PAIP2B: variants seen among roughly 807,000 people sequenced by gnomAD.
PAIP2B encodes polyadenylate-binding protein-interacting protein 2B.
Under a neutral mutation model 17.0 loss-of-function variants are expected in PAIP2B, and 13 were observed. The ratio of observed to expected loss-of-function variants is 0.76; its 90% CI spans 0.50 to 1.22. The LOEUF is 1.22. Among genes scored for constraint, PAIP2B ranks in the 50% most tolerant of loss-of-function variants. PAIP2B has a pLI of 0.00. For synonymous variants in PAIP2B, 43 were observed against 48.7 expected (o/e 0.88, Z 0.48); for missense variants, 117 against 144.5 (o/e 0.81, Z 0.98).
In PAIP2B at chr2:71,184,415, TA is replaced by T. The variant is rs1031328851; in HGVS notation, c.*4063del. On this transcript the variant is annotated 3_prime_UTR_variant, in exon 4 of 4. Transcript: ENST00000244221. ...AAACCAGACTGACTGGGAACAGCAG[TA>T]GGGGGTTGGCCAGTGAGGGCAGGTG... is the stretch of plus-strand genomic sequence containing the variant. 39 of 152,194 alleles carry T rather than the reference TA, an allele frequency of 2.6e-4. No individual in the cohort carries two copies. The highest frequency in any genetic ancestry group is 9.2e-4 in the African/African-American group (38 of 41,514). 9.4% of individuals were successfully genotyped at this position (152,194 alleles called of 1,614,324 possible).
chr2:71,189,769 C>G, intron 3 of PAIP2B, 76 bp downstream of exon 3: 1 of 1,380,918 alleles, frequency 7.2e-7, no homozygotes, highest in Non-Finnish European at 9.7e-7. Context: ...GGTTGTAGGG[C>G]TGGAAAGAAA....
chr2:71,192,299 C>A (rs893234892), intron 2 of PAIP2B, among the ~76,000 whole-genome samples: 1 of 148,222 alleles, frequency 6.7e-6, no homozygotes, highest in Non-Finnish European at 1.5e-5. Context: ...AGGTTTGTGG[C>A]AACCTTGCAT....
At chr2:71,209,635 C>A (rs1293928719) in intron 1 of PAIP2B, among the ~76,000 whole-genome samples, 2 of 152,156 alleles carry the variant, frequency 1.3e-5, no homozygotes, top group East Asian at 1.9e-4. Flanking sequence ...TTATACCCCC[C>A]AAGTGTAAGT....
chr2:71,183,473 A>G lies in PAIP2B; in HGVS notation c.*5006T>C, dbSNP rs1327545483. 1 of 127,830 alleles carries G rather than the reference A, an allele frequency of 7.8e-6. No homozygotes were observed. The highest frequency in any genetic ancestry group is 3.1e-5 in the African/African-American group (1 of 32,692). 7.9% of individuals were successfully genotyped at this position (127,830 alleles called of 1,614,324 possible). ...GATTAGTAGTTTTTTTGACATGCAC[A>G]GCAGCTTCCCCTATAAGTCCTACGT... On this transcript the variant is annotated 3_prime_UTR_variant, in exon 4 of 4. Transcript: ENST00000244221.
intron 1 of PAIP2B, among the ~76,000 whole-genome samples, chr2:71,217,758 C>A (rs1366507645): frequency 6.6e-6 from 1 of 152,120 alleles, no homozygotes. Flanking sequence ...ATACCAAGAA[C>A]ACCACTAGCA....
At chr2:71,210,302 C>T (rs558569369) in intron 1 of PAIP2B, among the ~76,000 whole-genome samples, 3 of 152,208 alleles carry the variant, frequency 2.0e-5, no homozygotes, top group South Asian at 4.1e-4. Context: ...GGTGAGGAGA[C>T]GTACGACATG....
At position 71,188,206 on chromosome 2, in the gene PAIP2B, G is replaced by T. The variant is rs966033893; in HGVS notation, c.*273C>A. ...CGCGGAACACTTCTGATGAAGGGGG[G>T]AAAATGCAATTTCCTTAACTCGAAA... On this transcript the variant is annotated 3_prime_UTR_variant, in exon 4 of 4. Transcript: ENST00000244221. 1 of 465,062 alleles carries T rather than the reference G, an allele frequency of 2.2e-6. No homozygotes were observed. The highest frequency in any genetic ancestry group is 3.8e-6 in the Non-Finnish European group (1 of 261,152). The allele number at this position is 465,062 out of a possible 1,614,324, so 28.8% of individuals were successfully genotyped here. A position where few individuals can be genotyped will look rare whatever the true frequency, so the allele number is the denominator to read the frequency against.
At chr2:71,209,337 G>A (rs1174352109) in intron 1 of PAIP2B, among the ~76,000 whole-genome samples, 1 of 152,198 alleles carries the variant, frequency 6.6e-6, no homozygotes. Context: ...TTCATAGAAA[G>A]GGTCTAGTGG....
chr2:71,212,815 G>A (rs1675334758), intron 1 of PAIP2B, among the ~76,000 whole-genome samples: 1 of 151,786 alleles, frequency 6.6e-6, no homozygotes, highest in South Asian at 2.1e-4. Context: ...GCTCAGTGGT[G>A]CAATCATAGC....
chr2:71,221,636 A>G (rs1465652866), intron 1 of PAIP2B, among the ~76,000 whole-genome samples: 19 of 152,232 alleles, frequency 1.2e-4, no homozygotes, highest in Admixed American at 1.2e-3. Context: ...ATCTATGATT[A>G]TATTAGGTAA....
intron 2 of PAIP2B, among the ~76,000 whole-genome samples, chr2:71,198,164 G>T (rs1674871874): frequency 6.6e-6 from 1 of 152,090 alleles, no homozygotes; most frequent in Non-Finnish European, 1.5e-5. Context: ...TTGTTGCCCA[G>T]GTTAGAGTGC....
At chr2:71,226,166 G>C (rs986042043) in intron 1 of PAIP2B, among the ~76,000 whole-genome samples, 1 of 152,168 alleles carries the variant, frequency 6.6e-6, no homozygotes, top group Non-Finnish European at 1.5e-5. Flanking sequence ...GCCATTTGAA[G>C]GCAAAAACAG....
intron 1 of PAIP2B, among the ~76,000 whole-genome samples, chr2:71,215,399 G>T (rs1405725389): frequency 6.6e-6 from 1 of 152,186 alleles, no homozygotes; most frequent in African/African-American, 2.4e-5. Context: ...CAAAATCTGT[G>T]TCGTTTTCTA....
chr2:71,214,333 G>A (rs1381073740), intron 1 of PAIP2B, among the ~76,000 whole-genome samples: 7 of 152,128 alleles, frequency 4.6e-5, no homozygotes, highest in South Asian at 4.1e-4. Context: ...AATGGGGTTC[G>A]GAGAACCATG....
intron 1 of PAIP2B, among the ~76,000 whole-genome samples, chr2:71,204,383 T>C (rs1315134486): frequency 2.0e-5 from 3 of 152,218 alleles, no homozygotes; most frequent in South Asian, 2.1e-4. Flanking sequence ...AAATATTCTT[T>C]CTTAGTTCTC....
At chr2:71,217,666 A>C (rs1426416301) in intron 1 of PAIP2B, among the ~76,000 whole-genome samples, 1 of 152,224 alleles carries the variant, frequency 6.6e-6, no homozygotes, top group Non-Finnish European at 1.5e-5. Flanking sequence ...CCATCTGTTC[A>C]ATATTAAAAA....
At chr2:71,224,757 TTC>T (rs1053635270) in intron 1 of PAIP2B, among the ~76,000 whole-genome samples, 59 of 152,226 alleles carry the variant, frequency 3.9e-4, no homozygotes, top group African/African-American at 1.4e-3. Flanking sequence ...TGGTTTCTAG[TTC>T]TCTCTTCCAT....
chr2:71,219,607 A>G (rs1675526099), intron 1 of PAIP2B, among the ~76,000 whole-genome samples: 1 of 152,318 alleles, frequency 6.6e-6, no homozygotes, highest in East Asian at 1.9e-4. Context: ...CTATGTATTA[A>G]TATTCTCTGG....
At chr2:71,212,083 C>T (rs1182604338) in intron 1 of PAIP2B, among the ~76,000 whole-genome samples, 1 of 152,132 alleles carries the variant, frequency 6.6e-6, no homozygotes, top group Non-Finnish European at 1.5e-5. Context: ...TAACAGACAA[C>T]GTTAATCAAA....
Sources: allele counts gnomAD v4.1 joint callset (sites outside exome capture counted in the v4.1 genomes callset), GRCh38; gene constraint gnomAD v4.1.1; transcripts MANE v1.5; gene names NCBI Gene and HGNC (gene_info 2026-07-23, HGNC 2026-07-21).